The following TNFAIP8L3 variants were observed in gnomAD, a reference collection of about 807,000 sequenced individuals.
The protein encoded by TNFAIP8L3 is tumor necrosis factor alpha-induced protein 8-like protein 3.
Under a neutral mutation model 11.8 loss-of-function variants are expected in TNFAIP8L3, and 7 were observed. The ratio of observed to expected loss-of-function variants is 0.59; its 90% CI spans 0.34 to 1.11. The LOEUF (loss-of-function observed/expected upper bound fraction) is 1.11. Ranked by LOEUF, TNFAIP8L3 falls within the 50% of genes most tolerant of loss-of-function variation. The pLI is 0.03. For synonymous variants in TNFAIP8L3, 98 were observed against 103.8 expected, an observed-to-expected ratio of 0.94 and a Z score of 0.34; for missense variants, 219 against 258.6, an observed-to-expected ratio of 0.85 and a Z score of 1.05.
At chr15:51,065,894 G>A (rs1331947663) in intron 1 of TNFAIP8L3, among the ~76,000 whole-genome samples, 2 of 152,154 alleles carry the variant, frequency 1.3e-5, no homozygotes, top group Non-Finnish European at 1.5e-5. Flanking sequence ...AGTGAAGATG[G>A]TTCCCAGAAG....
rs199856074 is a variant in TNFAIP8L3, at chr15:51,094,772, G to GC, written c.-178dup. 1 allele frequency: 903,296 copies of GC among 903,570 alleles called. 451,513 individuals are homozygous for GC. Among genetic ancestry groups the GC allele is most frequent in the East Asian group, 1 (8,316 of 8,316 alleles). 56.0% of individuals were successfully genotyped at this position (903,570 alleles called of 1,614,324 possible). A position where few individuals can be genotyped will look rare whatever the true frequency, so the allele number is the denominator to read the frequency against. On this transcript the variant is annotated 5_prime_UTR_variant, in exon 1 of 2. Coordinates refer to ENST00000637513, the MANE Select transcript of TNFAIP8L3 (RefSeq NM_001311175.2). The surrounding 1 kb of genome is among the most constrained non-coding windows in gnomAD (Gnocchi z 4.4). ...GGGCGGCTCCGCAGAGGCGAGCGCC[G>GC]CCGCGCCCCGCTCCCCGCGCCCGCC... is the stretch of plus-strand genomic sequence containing the variant.
rs142895881 is a variant in TNFAIP8L3, at chr15:51,101,514, G to A, written c.172+3491C>T. ...TGCATGCCTATAATCCCAGCTACTC[G>A]GGAGGCTGAGGCAGGAGAATCATTT... On this transcript the variant is annotated intron_variant, in intron 1 of 2. Transcript: ENST00000327536. Among the ~76,000 whole-genome samples, 694 of 152,046 alleles carry A rather than the reference G, an allele frequency of 4.6e-3. 5 individuals carry two copies. Among genetic ancestry groups the A allele is most frequent in the African/African-American group, 0.016 (647 of 41,442 alleles).
chr15:51,091,482 C>T (rs1367902485), intron 1 of TNFAIP8L3, among the ~76,000 whole-genome samples: 3 of 152,116 alleles, frequency 2.0e-5, no homozygotes, highest in Non-Finnish European at 4.4e-5. Context: ...CCACTTGAAG[C>T]ACCATGAAAG....
At chr15:51,067,979 T>C (rs754217665) in intron 1 of TNFAIP8L3, among the ~76,000 whole-genome samples, 1 of 152,226 alleles carries the variant, frequency 6.6e-6, no homozygotes, top group Non-Finnish European at 1.5e-5. Context: ...AAAATTTCCA[T>C]GGGACAACTT....
At chr15:51,092,564 G>A (rs1471043385) in intron 1 of TNFAIP8L3, among the ~76,000 whole-genome samples, 1 of 152,226 alleles carries the variant, frequency 6.6e-6, no homozygotes, top group African/African-American at 2.4e-5. Flanking sequence ...TGAGATTCAA[G>A]CACACGCAGA....
intron 1 of TNFAIP8L3, among the ~76,000 whole-genome samples, chr15:51,079,621 T>C (rs1374580320): frequency 6.6e-6 from 1 of 152,140 alleles, no homozygotes; most frequent in African/African-American, 2.4e-5. Flanking sequence ...ACTCACCAGG[T>C]TGCTCTGTCA....
intron 1 of TNFAIP8L3, among the ~76,000 whole-genome samples, chr15:51,101,783 G>T (rs1292624525): frequency 4.7e-5 from 7 of 149,784 alleles, no homozygotes; most frequent in Admixed American, 4.6e-4. Context: ...CATCTCTACT[G>T]AAGATACAAA....
At chr15:51,083,242 A>T (rs1182718104) in intron 1 of TNFAIP8L3, among the ~76,000 whole-genome samples, 1 of 152,158 alleles carries the variant, frequency 6.6e-6, no homozygotes. Context: ...TCAGAAATAG[A>T]TTCACATTAT....
intron 1 of TNFAIP8L3, among the ~76,000 whole-genome samples, chr15:51,075,691 A>T (rs1258200107): frequency 2.0e-5 from 3 of 152,260 alleles, no homozygotes; most frequent in Admixed American, 2.0e-4. Context: ...TGCAATAAAA[A>T]TGTCAGTCTT....
intron 1 of TNFAIP8L3, among the ~76,000 whole-genome samples, chr15:51,076,461 TTAAACTC>T (rs1333886453): frequency 2.0e-5 from 3 of 152,238 alleles, no homozygotes; most frequent in African/African-American, 7.2e-5. Context: ...CCTTTCTAAA[TTAAACTC>T]TAAGGCCACA....
At chr15:51,063,934 T>C (rs2065254659) in intron 1 of TNFAIP8L3, among the ~76,000 whole-genome samples, 1 of 152,160 alleles carries the variant, frequency 6.6e-6, no homozygotes, top group African/African-American at 2.4e-5. Flanking sequence ...AGTCACAAAG[T>C]CCCTGGGTGG....
chr15:51,101,672 C>T (rs1469841955), intron 1 of TNFAIP8L3, among the ~76,000 whole-genome samples: 3 of 150,538 alleles, frequency 2.0e-5, no homozygotes, highest in South Asian at 2.1e-4. Context: ...GTAGGCTGGG[C>T]GCCGTGGCTG....
chr15:51,071,157 A>G (rs2065306837), intron 1 of TNFAIP8L3, among the ~76,000 whole-genome samples: 1 of 152,100 alleles, frequency 6.6e-6, no homozygotes, highest in Non-Finnish European at 1.5e-5. Flanking sequence ...ATACATAAAC[A>G]TAAACAAAAT....
At chr15:51,077,350 G>A (rs780073479) in intron 1 of TNFAIP8L3, among the ~76,000 whole-genome samples, 45 of 152,166 alleles carry the variant, frequency 3.0e-4, no homozygotes, top group Non-Finnish European at 5.6e-4. Flanking sequence ...GGTGGGACTC[G>A]TGTCCGAAAC....
At chr15:51,104,876 A>G (rs1352860191) in intron 1 of TNFAIP8L3, 6 of 1,080,720 alleles carry the variant, frequency 5.6e-6, no homozygotes. Flanking sequence ...TAAATAAGAG[A>G]TGGGCTGCCT....
Position 51,058,445 on chromosome 15 carries a change from T to A in TNFAIP8L3, c.53-2A>T. The A allele has an allele frequency of 7.2e-7, 1 of 1,390,652 alleles. No homozygotes were observed. The highest frequency in any genetic ancestry group is 3.3e-5 in the Admixed American group (1 of 30,102). 86.1% of individuals were successfully genotyped at this position (1,390,652 alleles called of 1,614,324 possible). ...TCTTTGAACTAAAAACATCAGGACC[T>A]ATGGTAAAAAAAATATATATAAAAG... On this transcript the variant is annotated splice_acceptor_variant, in intron 1 of 1. Transcript: ENST00000637513. LOFTEE classifies it high-confidence loss of function.
chr15:51,090,121 G>C (rs1468422651), intron 1 of TNFAIP8L3, among the ~76,000 whole-genome samples: 1 of 152,234 alleles, frequency 6.6e-6, no homozygotes, highest in Admixed American at 6.5e-5. Flanking sequence ...CCTGAAGGAA[G>C]AGGCAGCGTC....
At chr15:51,100,795 G>T (rs2065545598) in intron 1 of TNFAIP8L3, among the ~76,000 whole-genome samples, 1 of 152,154 alleles carries the variant, frequency 6.6e-6, no homozygotes, top group South Asian at 2.1e-4. Context: ...GGCATGACTG[G>T]ATGGATGTCC....
intron 1 of TNFAIP8L3, among the ~76,000 whole-genome samples, chr15:51,090,036 CT>C (rs1408220614): frequency 6.6e-6 from 1 of 152,210 alleles, no homozygotes; most frequent in Non-Finnish European, 1.5e-5. Context: ...CTCACAGTGC[CT>C]CAAAACTAAT....
Sources: allele counts gnomAD v4.1 joint callset (sites outside exome capture counted in the v4.1 genomes callset), GRCh38; gene constraint gnomAD v4.1.1; non-coding constraint Gnocchi (gnomAD v3.1); transcripts MANE v1.5; gene names NCBI Gene and HGNC (gene_info 2026-07-23, HGNC 2026-07-21).